TENM2: variants seen among roughly 807,000 people sequenced by gnomAD.
TENM2 encodes teneurin-2.
TENM2 carries 52 observed loss-of-function variants against 245.2 expected under a neutral mutation model. That is an observed-to-expected ratio of 0.21 (90% CI 0.17 to 0.27). TENM2 has a LOEUF of 0.27. Ranked by LOEUF, TENM2 falls within the 10% of genes least tolerant of loss-of-function variation. TENM2 has a pLI of 1.00. For synonymous variants in TENM2, 1,363 were observed against 1,438.9 expected (o/e 0.95, Z 1.19); for missense variants, 3,046 against 3,666.8 (o/e 0.83, Z 4.37).
intron 1 of TENM2, among the ~76,000 whole-genome samples, chr5:167,365,988 TTGAA>T (rs955504368): frequency 2.6e-5 from 4 of 151,366 alleles, no homozygotes; most frequent in Admixed American, 6.6e-5. Flanking sequence ...AAAACAACAA[TTGAA>T]TGAACTTAAA....
rs1386029243 is a variant in TENM2, at chr5:168,238,182, A to AGAGAGG, written c.5521-6235_5521-6234insAGGGAG. 5.0e-4 allele frequency among the ~76,000 whole-genome samples: 22 copies of AGAGAGG among 44,142 alleles called. 1 individual carries two copies. The highest frequency in any genetic ancestry group is 2.4e-3 in the South Asian group (2 of 826). 29.0% of individuals were successfully genotyped at this position (44,142 alleles called of 152,430 possible). The stretch of plus-strand genomic sequence containing the variant: ...AAGAGAGAGAGAGAGAGAGAGAGAG[A>AGAGAGG]GAGGGAGGGAGGGAGGGAGGGAGGG... On this transcript the variant is annotated intron_variant, in intron 25 of 28. Coordinates refer to ENST00000518659, the Ensembl canonical transcript of TENM2.
At chr5:167,146,147 C>G in the TENM2 span, among the ~76,000 whole-genome samples, 4 of 152,122 alleles carry the variant, frequency 2.6e-5, no homozygotes, top group African/African-American at 9.7e-5. Context: ...AAGCTCTCTG[C>G]CAGTCCTTCT....
chr5:167,930,653 T>G (rs1184686441), intron 3 of TENM2, among the ~76,000 whole-genome samples: 1 of 152,072 alleles, frequency 6.6e-6, no homozygotes, highest in Non-Finnish European at 1.5e-5. Context: ...TTTTATTTTA[T>G]TTTTATTTTT....
the TENM2 span, among the ~76,000 whole-genome samples, chr5:167,203,190 T>C: frequency 6.6e-6 from 1 of 152,218 alleles, no homozygotes; most frequent in Non-Finnish European, 1.5e-5. Context: ...AGGGGCTCTC[T>C]GTTCCCTGCA....
At chr5:167,548,035 G>A (rs1272714096) in intron 2 of TENM2, among the ~76,000 whole-genome samples, 3 of 152,152 alleles carry the variant, frequency 2.0e-5, no homozygotes, top group Admixed American at 6.5e-5. Flanking sequence ...GTCATTCATC[G>A]ATTCTTGATT....
At chr5:167,105,617 G>A in the TENM2 span, among the ~76,000 whole-genome samples, 1 of 151,858 alleles carries the variant, frequency 6.6e-6, no homozygotes, top group Admixed American at 6.6e-5. Context: ...GGCCGGGCGC[G>A]GTGGCTCACG....
chr5:168,239,814 G>A (rs1249746590), intron 25 of TENM2, among the ~76,000 whole-genome samples: 2 of 152,120 alleles, frequency 1.3e-5, no homozygotes, highest in East Asian at 1.9e-4. Context: ...GGTTATATAT[G>A]TGATTTTCCC....
At chr5:167,342,823 G>A (rs751516598) in intron 1 of TENM2, among the ~76,000 whole-genome samples, 1 of 150,864 alleles carries the variant, frequency 6.6e-6, no homozygotes, top group Non-Finnish European at 1.5e-5. Context: ...CACCGCGCCC[G>A]GCCAAAGTTA....
chr5:168,215,339 C>T, intron 21 of TENM2, 67 bp downstream of exon 23: 1 of 1,299,314 alleles, frequency 7.7e-7, no homozygotes. Context: ...GCTTTCTTCT[C>T]ATCAGAACTT....
At chr5:168,184,035 C>G (rs1024141117) in intron 13 of TENM2, among the ~76,000 whole-genome samples, 3 of 152,112 alleles carry the variant, frequency 2.0e-5, no homozygotes, top group Non-Finnish European at 4.4e-5. Context: ...CAAGAGCATG[C>G]CCAGTGCCCA....
intron 2 of TENM2, among the ~76,000 whole-genome samples, chr5:167,402,214 A>G (rs1762402248): frequency 1.3e-5 from 2 of 152,182 alleles, no homozygotes; most frequent in African/African-American, 4.8e-5. Flanking sequence ...ACAAAAGAGA[A>G]TATAAATATC....
At chr5:167,592,972 A>G (rs1775976589) in intron 2 of TENM2, among the ~76,000 whole-genome samples, 1 of 152,156 alleles carries the variant, frequency 6.6e-6, no homozygotes, top group Non-Finnish European at 1.5e-5. Flanking sequence ...TACTTTTAAC[A>G]TTGATGTTAT....
At chr5:168,202,758 A>G (rs973227576) in intron 17 of TENM2, among the ~76,000 whole-genome samples, 3 of 152,018 alleles carry the variant, frequency 2.0e-5, no homozygotes, top group Non-Finnish European at 2.9e-5. Flanking sequence ...TGACACTTCT[A>G]TATCTCAGGA....
At chr5:168,220,143 G>T (rs954844328) in intron 23 of TENM2, among the ~76,000 whole-genome samples, 6 of 152,140 alleles carry the variant, frequency 3.9e-5, no homozygotes, top group African/African-American at 1.4e-4. Flanking sequence ...CTGCCCTCGA[G>T]GGTACCATCC....
chr5:168,082,849 G>T (rs1792122408), intron 7 of TENM2, among the ~76,000 whole-genome samples: 1 of 152,184 alleles, frequency 6.6e-6, no homozygotes, highest in Non-Finnish European at 1.5e-5. Context: ...TGTATGAGGT[G>T]TCAGTCGGCC....
intron 2 of TENM2, among the ~76,000 whole-genome samples, chr5:167,475,772 GT>G (rs1400097536): frequency 1.3e-5 from 2 of 152,048 alleles, no homozygotes; most frequent in African/African-American, 4.8e-5. Context: ...TCCTGTGTTA[GT>G]TTGCTGAGGA....
At chr5:167,744,629 A>T (rs1761428353) in intron 2 of TENM2, among the ~76,000 whole-genome samples, 1 of 152,076 alleles carries the variant, frequency 6.6e-6, no homozygotes, top group Non-Finnish European at 1.5e-5. Context: ...GTGACATTTT[A>T]TATCGTTCCT....
chr5:167,841,936 T>C (rs1206674077), intron 2 of TENM2, among the ~76,000 whole-genome samples: 1 of 152,096 alleles, frequency 6.6e-6, no homozygotes, highest in Non-Finnish European at 1.5e-5. Flanking sequence ...TATATATGTA[T>C]GTATATTTAT....
At chr5:167,777,663 G>A (rs555477143) in intron 2 of TENM2, among the ~76,000 whole-genome samples, 72 of 152,342 alleles carry the variant, frequency 4.7e-4, no homozygotes, top group African/African-American at 1.7e-3. Context: ...AGCCAGGGTT[G>A]TTGTGAAGAT....
Sources: gnomAD v4.1 joint callset for allele counts (sites outside exome capture counted in the v4.1 genomes callset) on GRCh38, gnomAD v4.1.1 for gene constraint, MANE v1.5 for transcripts, NCBI Gene and HGNC (gene_info 2026-07-23, HGNC 2026-07-21) for gene names.